Variants in BTBD9 observed in about 807,000 individuals in gnomAD.
The protein encoded by BTBD9 is BTB/POZ domain-containing protein 9.
A neutral mutation model predicts 64.3 loss-of-function variants in BTBD9; 49 were observed. That is an observed-to-expected ratio of 0.76 (90% CI 0.61 to 0.97). The LOEUF (loss-of-function observed/expected upper bound fraction) is 0.97. BTBD9 is among the 50% of genes least tolerant of loss of function. The pLI is 0.00. For synonymous variants in BTBD9, 260 were observed against 274.7 expected, an observed-to-expected ratio of 0.95 and a Z score of 0.53; for missense variants, 598 against 762.1, an observed-to-expected ratio of 0.78 and a Z score of 2.53.
chr6:38,246,425 A>T (rs970581005), intron 9 of BTBD9, among the ~76,000 whole-genome samples: 9 of 152,004 alleles, frequency 5.9e-5, no homozygotes, highest in African/African-American at 2.2e-4. Context: ...TAACACAAGG[A>T]TCTGCCTAGG....
chr6:38,309,072 A>T (rs918134155), intron 7 of BTBD9, among the ~76,000 whole-genome samples: 1 of 151,934 alleles, frequency 6.6e-6, no homozygotes. Context: ...AAGGTTGTTT[A>T]AAAAGCCCAC....
At chr6:38,398,198 T>C (rs1234242844) in intron 6 of BTBD9, among the ~76,000 whole-genome samples, 4 of 152,226 alleles carry the variant, frequency 2.6e-5, no homozygotes, top group African/African-American at 9.6e-5. Context: ...GACATATCAC[T>C]GGGTTCTATG....
intron 2 of BTBD9, 190 bp from the exon 3 acceptor site, chr6:38,594,517 T>C (rs1776955361): frequency 3.1e-6 from 2 of 646,234 alleles, no homozygotes; most frequent in East Asian, 3.0e-5. Context: ...TTTAAAACTA[T>C]TTGAATTAAT....
chr6:38,446,032 C>T (rs191104250), intron 6 of BTBD9, among the ~76,000 whole-genome samples: 7 of 152,298 alleles, frequency 4.6e-5, no homozygotes, highest in East Asian at 3.9e-4. Flanking sequence ...TAGACAGAGG[C>T]CTTACTGGTC....
chr6:38,516,873 A>C (rs1055602185), intron 6 of BTBD9, among the ~76,000 whole-genome samples: 6 of 152,258 alleles, frequency 3.9e-5, no homozygotes, highest in Non-Finnish European at 4.4e-5. Context: ...CCTTCATTCC[A>C]TCAGATTGTG....
At chr6:38,308,036 A>G (rs1302593877) in intron 7 of BTBD9, among the ~76,000 whole-genome samples, 1 of 152,230 alleles carries the variant, frequency 6.6e-6, no homozygotes, top group Non-Finnish European at 1.5e-5. Context: ...TTTGAATGAA[A>G]GCACTTTCCA....
At chr6:38,298,969 T>C (rs1207242179) in intron 7 of BTBD9, among the ~76,000 whole-genome samples, 2 of 152,166 alleles carry the variant, frequency 1.3e-5, no homozygotes, top group African/African-American at 4.8e-5. Context: ...ACTCGTCATT[T>C]AGCATTAGGT....
At chr6:38,445,038 TG>T (rs1453598889) in intron 6 of BTBD9, among the ~76,000 whole-genome samples, 1 of 152,128 alleles carries the variant, frequency 6.6e-6, no homozygotes, top group Admixed American at 6.5e-5. Flanking sequence ...CTGTCTGAAC[TG>T]GAATATTGAA....
intron 6 of BTBD9, among the ~76,000 whole-genome samples, chr6:38,373,587 A>G (rs569242548): frequency 3.3e-5 from 5 of 152,296 alleles, no homozygotes; most frequent in Non-Finnish European, 1.5e-5. Flanking sequence ...GCTGGAGTGT[A>G]GTAGCATGAT....
chr6:38,262,581 T>C (rs1485443980), intron 8 of BTBD9, among the ~76,000 whole-genome samples: 2 of 152,174 alleles, frequency 1.3e-5, no homozygotes, highest in Admixed American at 6.5e-5. Flanking sequence ...CAGCAACTAA[T>C]TGCTCTCCTT....
At chr6:38,386,160 G>A (rs1182493514) in intron 6 of BTBD9, among the ~76,000 whole-genome samples, 9 of 151,980 alleles carry the variant, frequency 5.9e-5, no homozygotes, top group Non-Finnish European at 1.2e-4. Context: ...AACCCTAAAC[G>A]AAAATCCTTT....
chr6:38,188,010 G>C (rs1204393468), intron 10 of BTBD9, among the ~76,000 whole-genome samples: 2 of 152,328 alleles, frequency 1.3e-5, no homozygotes, highest in Non-Finnish European at 2.9e-5. Flanking sequence ...GCAGCAGACG[G>C]AGACTGAGCC....
intron 7 of BTBD9, among the ~76,000 whole-genome samples, chr6:38,302,483 A>ATGTATGTGTGTGTG (rs1554137006): frequency 1.6e-3 from 122 of 78,534 alleles, no homozygotes; most frequent in African/African-American, 6.3e-3. Context: ...CATTGTGTGT[A>ATGTATGTGTGTGTG]TGTATATATA....
intron 6 of BTBD9, among the ~76,000 whole-genome samples, chr6:38,524,574 G>A (rs1773403910): frequency 6.6e-6 from 1 of 152,246 alleles, no homozygotes; most frequent in African/African-American, 2.4e-5. Flanking sequence ...CTGTAGTCCA[G>A]TAAGTCCAAC....
chr6:38,528,639 T>C (rs1300383255), intron 6 of BTBD9, among the ~76,000 whole-genome samples: 1 of 152,192 alleles, frequency 6.6e-6, no homozygotes, highest in Non-Finnish European at 1.5e-5. Flanking sequence ...TTCCAGGTGC[T>C]AGCTCCCAGA....
chr6:38,541,447 T>C (rs560170101), intron 6 of BTBD9, among the ~76,000 whole-genome samples: 2 of 152,280 alleles, frequency 1.3e-5, no homozygotes, highest in Admixed American at 1.3e-4. Context: ...AATTATAAAA[T>C]TTTCATTCTG....
At position 38,374,300 on chromosome 6, in the gene BTBD9, T is replaced by C. The variant is rs867155984; in HGVS notation, c.1155-29207A>G. Reference sequence around the variant, plus strand: ...AAAAAAAAGTATATATATATATGTATATATATGTATATATATATATATATA... The same window carrying C: ...AAAAAAAAGTATATATATATATGTACATATATGTATATATATATATATATA... On this transcript the variant is annotated intron_variant, in intron 6 of 10. Coordinates refer to ENST00000481247, the MANE Select transcript of BTBD9 (RefSeq NM_001099272.2). 4.6e-3 allele frequency among the ~76,000 whole-genome samples: 395 copies of C among 86,480 alleles called. 59 individuals carry two copies. Among genetic ancestry groups the C allele is most frequent in the African/African-American group, 0.02 (264 of 13,456 alleles). The allele number at this position is 86,480 out of a possible 152,430, so 56.7% of individuals were successfully genotyped here.
chr6:38,530,376 C>T (rs1313609146), intron 6 of BTBD9, among the ~76,000 whole-genome samples: 1 of 152,114 alleles, frequency 6.6e-6, no homozygotes, highest in South Asian at 2.1e-4. Context: ...CCCTTTGAAG[C>T]ATGTGATCTT....
chr6:38,420,290 G>C (rs1209528043), intron 6 of BTBD9, among the ~76,000 whole-genome samples: 1 of 152,038 alleles, frequency 6.6e-6, no homozygotes, highest in African/African-American at 2.4e-5. Flanking sequence ...GCATATTAAG[G>C]ACCAGTAGAA....
Sources: allele counts gnomAD v4.1 joint callset (sites outside exome capture counted in the v4.1 genomes callset), GRCh38; gene constraint gnomAD v4.1.1; transcripts MANE v1.5; gene names NCBI Gene and HGNC (gene_info 2026-07-23, HGNC 2026-07-21).